The following SLMAP variants were observed in gnomAD, a reference collection of about 807,000 sequenced individuals.
SLMAP encodes the protein sarcolemma associated protein.
Under a neutral mutation model 128.8 loss-of-function variants are expected in SLMAP, and 44 were observed. That is an observed-to-expected ratio of 0.34 (90% CI 0.27 to 0.44). SLMAP has a LOEUF of 0.44. Among genes scored for constraint, SLMAP ranks in the 20% least tolerant of loss-of-function variants. SLMAP has a pLI of 1.00. For synonymous variants in SLMAP, 327 were observed against 348.8 expected (o/e 0.94, Z 0.70); for missense variants, 787 against 985.3 (o/e 0.80, Z 2.69).
In SLMAP at chr3:57,879,647, T is replaced by C. The variant is rs563507371; in HGVS notation, c.1300+7949T>C. 1.6e-4 allele frequency among the ~76,000 whole-genome samples: 24 copies of C among 152,164 alleles called. No individual in the cohort carries two copies. In the East Asian group the frequency reaches 4.2e-3, roughly 27 times the overall value. ...AAGAAATATAAGAAATTAAATACCATGAAAGTCAGGATAGGCCAGGCGCAG... is the reference window on the plus strand; with the variant it reads ...AAGAAATATAAGAAATTAAATACCACGAAAGTCAGGATAGGCCAGGCGCAG... On this transcript the variant is annotated intron_variant, in intron 14 of 24. Coordinates refer to ENST00000671191, the MANE Select transcript of SLMAP (RefSeq NM_001377540.1).
At chr3:57,764,869 T>C (rs2079366970) in intron 2 of SLMAP, among the ~76,000 whole-genome samples, 1 of 152,140 alleles carries the variant, frequency 6.6e-6, no homozygotes, top group African/African-American at 2.4e-5. Context: ...ATAGACCAGG[T>C]TAACAGTAGG....
rs1022873336 is a variant in SLMAP, at chr3:57,804,227, G to A, written c.199-27156G>A. Among the ~76,000 whole-genome samples the A allele has an allele frequency of 3.3e-5, 5 of 151,916 alleles. No individual in the cohort carries two copies. In the East Asian group the frequency reaches 5.8e-4, roughly 18 times the overall value. On this transcript the variant is annotated intron_variant, in intron 2 of 24. Coordinates refer to ENST00000671191, the MANE Select transcript of SLMAP (RefSeq NM_001377540.1). ...TTTCCATTTCTGATACACTTTTATT[G>A]TATTTGTATTATTTTTGTCTAATTA... is the stretch of plus-strand genomic sequence containing the variant.
chr3:57,783,125 G>C (rs1431394019), intron 2 of SLMAP, among the ~76,000 whole-genome samples: 2 of 152,220 alleles, frequency 1.3e-5, no homozygotes, highest in Non-Finnish European at 2.9e-5. Context: ...TTGGAACTGG[G>C]TAATGGGTAG....
chr3:57,883,010 C>T (rs1021809062), intron 14 of SLMAP, among the ~76,000 whole-genome samples: 2 of 152,034 alleles, frequency 1.3e-5, no homozygotes, highest in African/African-American at 4.8e-5. Flanking sequence ...AACTTCTCTA[C>T]TTTCACCAGA....
chr3:57,767,263 A>G (rs1371447778), intron 2 of SLMAP, among the ~76,000 whole-genome samples: 1 of 152,204 alleles, frequency 6.6e-6, no homozygotes, highest in Non-Finnish European at 1.5e-5. Flanking sequence ...AATAACTATG[A>G]TGCAAATGTA....
chr3:57,830,663 C>T (rs1256100862), intron 2 of SLMAP, among the ~76,000 whole-genome samples: 1 of 152,120 alleles, frequency 6.6e-6, no homozygotes, highest in Non-Finnish European at 1.5e-5. Flanking sequence ...CAAATTTGGA[C>T]AACCATCACC....
At chr3:57,797,869 G>A (rs922913582) in intron 2 of SLMAP, among the ~76,000 whole-genome samples, 1 of 152,162 alleles carries the variant, frequency 6.6e-6, no homozygotes, top group South Asian at 2.1e-4. Context: ...CTGGAAGTCA[G>A]GAGTGAGGAA....
chr3:57,849,915 T>C, intron 6 of SLMAP, 99 bp downstream of exon 6: 1 of 743,296 alleles, frequency 1.3e-6, no homozygotes, highest in Non-Finnish European at 2.4e-6. Context: ...GGCTAATGCC[T>C]GTAATCCCAG....
chr3:57,848,176 GCTCCTC>G (rs58849244), intron 5 of SLMAP, among the ~76,000 whole-genome samples: 1,659 of 150,052 alleles, frequency 0.011, 37 homozygotes, highest in African/African-American at 0.039. Context: ...TCCTGCTCCT[GCTCCTC>G]CTCCTCCTCC....
rs760610394 is a variant in SLMAP at position 57,908,017 on chromosome 3, G to T, written c.1624+11G>T. ...GCTTTGAACTTCAAGGTGAGATCAAGATTACTTTGGTTCTTTAGGGATGTG... is the reference window on the plus strand; with the variant it reads ...GCTTTGAACTTCAAGGTGAGATCAATATTACTTTGGTTCTTTAGGGATGTG... On this transcript the variant is annotated intron_variant, in intron 18 of 24. Transcript: ENST00000671191. 1 of 1,612,998 alleles carries T rather than the reference G, an allele frequency of 6.2e-7. No homozygotes were observed. The highest frequency in any genetic ancestry group is 8.5e-7 in the Non-Finnish European group (1 of 1,179,362).
intron 22 of SLMAP, among the ~76,000 whole-genome samples, chr3:57,920,644 C>A (rs918837355): frequency 9.9e-5 from 15 of 152,068 alleles, no homozygotes; most frequent in African/African-American, 3.4e-4. Flanking sequence ...AAGGAGGAAC[C>A]TTTCTGGTAT....
In SLMAP at chr3:57,912,422, G is replaced by A; in HGVS notation, c.1741G>A (p.Glu581Lys). The change falls in exon 20 of 25, where the codon GAG (glutamate) becomes AAG (lysine). Residue 581 changes from glutamate (E) to lysine (K), a missense_variant. Physicochemically the swap from Glu to Lys is moderately conservative, Grantham distance 56. Around this residue, in one of 2 missense-constraint regions of SLMAP, gnomAD observed 715 missense variants for 843.6 expected, o/e 0.85. Transcript: ENST00000671191. The part of the protein sequence containing the change: ...RLHIDTENLR[E>K]EKDSEITSTR... ...ACACATCGATACTGAGAATCTCCGG[G>A]AGGAGAAGGACAGTGAAATCACAAG... is the stretch of plus-strand genomic sequence containing the variant. The A allele has an allele frequency of 6.2e-7, 1 of 1,613,486 alleles. No homozygotes were observed.
rs139871580 is a variant in SLMAP, at chr3:57,910,252, T to C, written c.1699+1102T>C. ...TGTTGCCCAGGCTGGAGTGCAGTGG[T>C]GATCTTGGCTCACTACAACCTCCGT... On this transcript the variant is annotated intron_variant, in intron 19 of 24. Transcript: ENST00000671191. Among the ~76,000 whole-genome samples, 629 of 152,208 alleles carry C rather than the reference T, an allele frequency of 4.1e-3. 5 individuals are homozygous for C. Among genetic ancestry groups the C allele is most frequent in the African/African-American group, 0.015 (610 of 41,544 alleles).
chr3:57,787,579 T>A (rs557049762), intron 2 of SLMAP, among the ~76,000 whole-genome samples: 12 of 152,266 alleles, frequency 7.9e-5, no homozygotes, highest in African/African-American at 2.9e-4. Flanking sequence ...CGGGTTCAAG[T>A]GATTCTCCTG....
At chr3:57,836,557 C>T (rs181694640) in intron 3 of SLMAP, among the ~76,000 whole-genome samples, 64 of 152,106 alleles carry the variant, frequency 4.2e-4, no homozygotes, top group Admixed American at 2.6e-3. Context: ...AGGCTGGTCT[C>T]GAACTCCTGG....
intron 2 of SLMAP, among the ~76,000 whole-genome samples, chr3:57,769,339 G>A (rs995797280): frequency 9.2e-5 from 14 of 152,030 alleles, no homozygotes; most frequent in Non-Finnish European, 1.6e-4. Flanking sequence ...ACTACAGGGC[G>A]CCTGTCACCA....
intron 24 of SLMAP, among the ~76,000 whole-genome samples, chr3:57,926,685 G>GTAGA (rs2097015320): frequency 6.6e-6 from 1 of 152,206 alleles, no homozygotes; most frequent in South Asian, 2.1e-4. Context: ...ATGCATGTTA[G>GTAGA]TAGAGCATAT....
At position 57,890,426 on chromosome 3, in the gene SLMAP, A is replaced by G. The variant is rs79732060; in HGVS notation, c.1360+326A>G. The G allele has an allele frequency of 6.6e-4, 143 of 216,192 alleles. 1 individual carries two copies. In the East Asian group the frequency reaches 0.012, roughly 19 times the overall value. The allele number at this position is 216,192 out of a possible 1,614,324, so 13.4% of individuals were successfully genotyped here. ...ATTTCAGCTTTGATCTCAAATTTTA[A>G]TCAAACACAATGTAAGTCGTTTGTG... On this transcript the variant is annotated intron_variant, in intron 15 of 24. Coordinates refer to ENST00000671191, the MANE Select transcript of SLMAP (RefSeq NM_001377540.1).
At chr3:57,783,630 A>C (rs2083481164) in intron 2 of SLMAP, among the ~76,000 whole-genome samples, 1 of 152,236 alleles carries the variant, frequency 6.6e-6, no homozygotes, top group Non-Finnish European at 1.5e-5. Context: ...CTATGTAAAG[A>C]GTGAAAAGGC....
Sources: allele counts gnomAD v4.1 joint callset (sites outside exome capture counted in the v4.1 genomes callset), GRCh38; gene constraint gnomAD v4.1.1; regional missense constraint gnomAD v4.1.1; transcripts MANE v1.5; gene names NCBI Gene and HGNC (gene_info 2026-07-23, HGNC 2026-07-21).